The following NRXN1 variants were observed in gnomAD, a reference collection of about 807,000 sequenced individuals.
The protein encoded by NRXN1 is neurexin 1, also known as neurexin-1.
Under a neutral mutation model 150.9 loss-of-function variants are expected in NRXN1, and 39 were observed. The ratio of observed to expected loss-of-function variants is 0.26; its 90% CI spans 0.20 to 0.34. The LOEUF (loss-of-function observed/expected upper bound fraction) is 0.34. Ranked by LOEUF, NRXN1 falls within the 10% of genes least tolerant of loss-of-function variation. The probability of loss-of-function intolerance (pLI) is 1.00; values close to 1 mark genes in which losing one functional copy is unlikely to be tolerated. For synonymous variants in NRXN1, 924 were observed against 757.0 expected (o/e 1.22, Z -3.62); for missense variants, 1,815 against 1,949.9 (o/e 0.93, Z 1.30).
intron 5 of NRXN1, among the ~76,000 whole-genome samples, chr2:50,660,759 C>A (rs1294325316): frequency 2.6e-5 from 4 of 151,962 alleles, no homozygotes; most frequent in Non-Finnish European, 5.9e-5. Flanking sequence ...TAGGGTCCTC[C>A]AAGATACTGG....
chr2:50,820,332 C>A (rs1669542941), intron 5 of NRXN1, among the ~76,000 whole-genome samples: 1 of 152,126 alleles, frequency 6.6e-6, no homozygotes, highest in Admixed American at 6.5e-5. Context: ...ACTTCCTGCA[C>A]AGGTGTTGTG....
At chr2:50,336,682 C>T (rs575783046) in intron 17 of NRXN1, among the ~76,000 whole-genome samples, 67 of 152,110 alleles carry the variant, frequency 4.4e-4, no homozygotes, top group African/African-American at 1.5e-3. Context: ...AAAGTATTTG[C>T]CATCTAGAAT....
At chr2:50,872,197 T>C (rs943686535) in intron 5 of NRXN1, among the ~76,000 whole-genome samples, 2 of 151,886 alleles carry the variant, frequency 1.3e-5, no homozygotes, top group Non-Finnish European at 1.5e-5. Context: ...ATGTGAGTCA[T>C]TTCACAGCCA....
chr2:50,364,843 A>T (rs1480218757), intron 17 of NRXN1, among the ~76,000 whole-genome samples: 1 of 152,046 alleles, frequency 6.6e-6, no homozygotes, highest in Non-Finnish European at 1.5e-5. Context: ...GTTAAATCAA[A>T]GTTTTAGTTA....
intron 17 of NRXN1, among the ~76,000 whole-genome samples, chr2:50,292,152 AAGG>A (rs1437881413): frequency 6.6e-6 from 1 of 152,172 alleles, no homozygotes; most frequent in Non-Finnish European, 1.5e-5. Context: ...GCTATTAGTA[AAGG>A]AGGTTTTTTA....
intron 21 of NRXN1, among the ~76,000 whole-genome samples, chr2:49,959,889 C>A (rs1352924176): frequency 6.6e-6 from 1 of 152,176 alleles, no homozygotes; most frequent in African/African-American, 2.4e-5. Context: ...GGTAGACAAT[C>A]CACTTTTGTC....
At chr2:50,898,666 T>C in intron 5 of NRXN1, 1 of 415,810 alleles carries the variant, frequency 2.4e-6, no homozygotes, top group South Asian at 1.8e-5. Flanking sequence ...ATTTCAAAAA[T>C]TTAATTTTCC....
intron 8 of NRXN1, among the ~76,000 whole-genome samples, chr2:50,585,577 A>G (rs562320814): frequency 6.6e-6 from 1 of 152,228 alleles, no homozygotes; most frequent in Non-Finnish European, 1.5e-5. Flanking sequence ...AGAAAACTAA[A>G]TTTTAAAATA....
At position 50,623,629 on chromosome 2, in the gene NRXN1, G is replaced by T; in HGVS notation, c.833-14C>A. The T allele has an allele frequency of 6.3e-7, 1 of 1,584,470 alleles. No homozygotes were observed. Among genetic ancestry groups the T allele is most frequent in the Non-Finnish European group, 8.6e-7 (1 of 1,156,426 alleles). On this transcript the variant is annotated splice_polypyrimidine_tract_variant and intron_variant, in intron 5 of 22. Coordinates refer to ENST00000401669, the MANE Select transcript of NRXN1 (RefSeq NM_001330078.2). ...ATTCTTCTTTTCCTAGAGGAAAACA[G>T]ATGATACATACATAAGTAAACAAAT... is the stretch of plus-strand genomic sequence containing the variant.
Position 50,951,990 on chromosome 2 carries a change from G to A in NRXN1, c.773-26035C>T, listed in dbSNP as rs1350485094. ...TTTTTTTTTTTTTTTTTTTTGAGAC[G>A]GAGTCTCGCTCTGTCGCCCAGGCTG... On this transcript the variant is annotated intron_variant, in intron 2 of 22. Coordinates refer to ENST00000401669, the MANE Select transcript of NRXN1 (RefSeq NM_001330078.2). Among the ~76,000 whole-genome samples, 9 of 84,150 alleles carry A rather than the reference G, an allele frequency of 1.1e-4. No homozygotes were observed. The East Asian group carries it at 1.4e-3, about 13-fold the overall frequency. 55.2% of individuals were successfully genotyped at this position (84,150 alleles called of 152,430 possible).
chr2:50,497,280 C>A (rs75983042), intron 14 of NRXN1, 53 bp downstream of exon 14: 5 of 1,378,500 alleles, frequency 3.6e-6, no homozygotes, highest in Admixed American at 4.9e-5. Flanking sequence ...TGGAAATTGA[C>A]GTCCATTTTT....
At chr2:50,132,737 A>G (rs1705720668) in intron 18 of NRXN1, among the ~76,000 whole-genome samples, 1 of 152,124 alleles carries the variant, frequency 6.6e-6, no homozygotes, top group Admixed American at 6.5e-5. Context: ...ACTTTCTTCC[A>G]GTAGCTTCCT....
intron 18 of NRXN1, among the ~76,000 whole-genome samples, chr2:50,160,185 A>G (rs998075422): frequency 2.0e-5 from 2 of 100,364 alleles, no homozygotes; most frequent in Non-Finnish European, 4.8e-5. Flanking sequence ...TCAAGGATAT[A>G]TGATTTTTTC....
chr2:50,441,898 A>T (rs961969091), intron 17 of NRXN1, among the ~76,000 whole-genome samples: 2 of 152,184 alleles, frequency 1.3e-5, no homozygotes, highest in African/African-American at 4.8e-5. Flanking sequence ...GTATTGTCAA[A>T]AATCTTGGAA....
At chr2:50,180,285 A>G (rs1263290519) in intron 18 of NRXN1, among the ~76,000 whole-genome samples, 1 of 152,090 alleles carries the variant, frequency 6.6e-6, no homozygotes, top group Non-Finnish European at 1.5e-5. Context: ...TCAGCCTCCC[A>G]AAGTTCTGGG....
intron 17 of NRXN1, among the ~76,000 whole-genome samples, chr2:50,392,543 T>C (rs574274647): frequency 6.6e-6 from 1 of 152,268 alleles, no homozygotes; most frequent in East Asian, 1.9e-4. Context: ...AAATATTAAA[T>C]ATCATAAATC....
At chr2:50,571,137 C>T (rs560027101) in intron 8 of NRXN1, among the ~76,000 whole-genome samples, 1 of 152,236 alleles carries the variant, frequency 6.6e-6, no homozygotes, top group Admixed American at 6.5e-5. Flanking sequence ...GGATCTGTTT[C>T]TTGGAGAGTC....
chr2:50,860,170 C>T (rs6714196), intron 5 of NRXN1, among the ~76,000 whole-genome samples: 12,057 of 151,754 alleles, frequency 0.079, 572 homozygotes, highest in Non-Finnish European at 0.11. Flanking sequence ...TTGGTGGTGA[C>T]CAGTAATCTG....
At chr2:50,705,049 A>AACAAAC in intron 5 of NRXN1, among the ~76,000 whole-genome samples, 1 of 145,832 alleles carries the variant, frequency 6.9e-6, no homozygotes, top group South Asian at 2.2e-4. Context: ...CAGAAACACA[A>AACAAAC]ACACACACAC....
Sources: gnomAD v4.1 joint callset for allele counts (sites outside exome capture counted in the v4.1 genomes callset) on GRCh38, gnomAD v4.1.1 for gene constraint, MANE v1.5 for transcripts, NCBI Gene and HGNC (gene_info 2026-07-23, HGNC 2026-07-21) for gene names.